The following TACR1 variants were observed in gnomAD, a reference collection of about 807,000 sequenced individuals.
The protein encoded by TACR1 is substance-P receptor.
In TACR1, 25 loss-of-function variants were observed where a neutral mutation model predicts 35.8. That is an observed-to-expected ratio of 0.70 (90% CI 0.51 to 0.98). TACR1 has a LOEUF of 0.98. Ranked by LOEUF, TACR1 falls within the 50% of genes least tolerant of loss-of-function variation. The probability of loss-of-function intolerance (pLI) is 0.00; values close to 1 mark genes in which losing one functional copy is unlikely to be tolerated. For missense variants in TACR1, 478 were observed against 522.9 expected, an observed-to-expected ratio of 0.91 and a Z score of 0.84; for synonymous variants, 195 against 206.7, an observed-to-expected ratio of 0.94 and a Z score of 0.48.
At chr2:75,108,077 TAG>T (rs1272624804) in intron 2 of TACR1, among the ~76,000 whole-genome samples, 1 of 152,114 alleles carries the variant, frequency 6.6e-6, no homozygotes, top group East Asian at 1.9e-4. Flanking sequence ...AAATGTATTA[TAG>T]AGTTTCTTTC....
intron 2 of TACR1, among the ~76,000 whole-genome samples, chr2:75,092,003 C>T (rs1033857736): frequency 6.6e-6 from 1 of 152,218 alleles, no homozygotes; most frequent in Non-Finnish European, 1.5e-5. Flanking sequence ...GTGAGGAGAA[C>T]TTTATATGAG....
chr2:75,111,925 C>CA (rs777191131), intron 2 of TACR1, among the ~76,000 whole-genome samples: 5 of 151,686 alleles, frequency 3.3e-5, no homozygotes, highest in Non-Finnish European at 7.4e-5. Context: ...CTAAACCACA[C>CA]AAATATGTAT....
At chr2:75,181,254 A>G (rs1422397177) in intron 1 of TACR1, among the ~76,000 whole-genome samples, 7 of 152,148 alleles carry the variant, frequency 4.6e-5, no homozygotes, top group Non-Finnish European at 8.8e-5. Context: ...TTAGCCTCAA[A>G]AACAAATATG....
At chr2:75,159,253 G>T (rs911705456) in intron 1 of TACR1, among the ~76,000 whole-genome samples, 5 of 152,034 alleles carry the variant, frequency 3.3e-5, no homozygotes, top group Non-Finnish European at 7.4e-5. Flanking sequence ...CAAGCCAACC[G>T]AAACACAAAC....
intron 1 of TACR1, among the ~76,000 whole-genome samples, chr2:75,184,596 A>G (rs1427092535): frequency 6.6e-6 from 1 of 151,842 alleles, no homozygotes; most frequent in African/African-American, 2.4e-5. Context: ...CTGGTTTCAA[A>G]ATAACTATTA....
Position 75,076,691 on chromosome 2 carries a change from G to A in TACR1, c.585-22936C>T, listed in dbSNP as rs545324572. Among the ~76,000 whole-genome samples, 4 of 152,238 alleles carry A rather than the reference G, an allele frequency of 2.6e-5. No homozygotes were observed. In the East Asian group the frequency reaches 7.8e-4, roughly 30 times the overall value. On this transcript the variant is annotated intron_variant, in intron 2 of 4. Transcript: ENST00000305249. ...CGAGACCAGGAGTCAGGAGCCTGGT[G>A]CTGGTTTTCTGGACCTGACAATCAC...
At chr2:75,064,678 T>C (rs958550238) in intron 2 of TACR1, among the ~76,000 whole-genome samples, 10 of 152,260 alleles carry the variant, frequency 6.6e-5, no homozygotes, top group African/African-American at 9.6e-5. Flanking sequence ...CAATGCATTG[T>C]AAAGAACAGT....
At chr2:75,100,792 C>A (rs1439811789) in intron 2 of TACR1, among the ~76,000 whole-genome samples, 2 of 152,030 alleles carry the variant, frequency 1.3e-5, no homozygotes, top group African/African-American at 2.4e-5. Context: ...GAGAATAAGT[C>A]AAAAAATAAT....
At chr2:75,081,611 GA>G (rs1253764873) in intron 2 of TACR1, among the ~76,000 whole-genome samples, 1 of 152,168 alleles carries the variant, frequency 6.6e-6, no homozygotes, top group Non-Finnish European at 1.5e-5. Context: ...GGGAGGGGTG[GA>G]AAAGAAAGTG....
chr2:75,116,028 T>C (rs1673850231), intron 2 of TACR1, among the ~76,000 whole-genome samples: 1 of 152,132 alleles, frequency 6.6e-6, no homozygotes, highest in South Asian at 2.1e-4. Context: ...TATTTTGTGT[T>C]ATAAAGAGGG....
At chr2:75,181,907 G>A (rs1675567909) in intron 1 of TACR1, among the ~76,000 whole-genome samples, 2 of 152,118 alleles carry the variant, frequency 1.3e-5, no homozygotes, top group East Asian at 3.9e-4. Context: ...ACTATATTTG[G>A]TTACAAATAA....
chr2:75,070,532 C>T (rs1294301988), intron 2 of TACR1, among the ~76,000 whole-genome samples: 1 of 152,164 alleles, frequency 6.6e-6, no homozygotes, highest in East Asian at 1.9e-4. Context: ...AAGGAAATGG[C>T]CTCCAAAGGT....
At position 75,154,450 on chromosome 2, in the gene TACR1, A is replaced by ACTCT. The variant is rs1228385476; in HGVS notation, c.390-33686_390-33683dup. 413 of 89,196 alleles carry ACTCT rather than the reference A, an allele frequency of 4.6e-3. 35 individuals are homozygous for ACTCT. The highest frequency in any genetic ancestry group is 0.012 in the East Asian group (39 of 3,234). The allele number at this position is 89,196 out of a possible 1,614,324, so 5.5% of individuals were successfully genotyped here. A position where few individuals can be genotyped will look rare whatever the true frequency, so the allele number is the denominator to read the frequency against. On this transcript the variant is annotated intron_variant, in intron 1 of 4. Transcript: ENST00000305249. Reference sequence around the variant, plus strand: ...CACACACACACACACACACACACACACTCTGAAGAAACCCAGTGGAGATTC... The same window carrying ACTCT: ...CACACACACACACACACACACACACACTCTCTCTGAAGAAACCCAGTGGAGATTC...
chr2:75,177,358 A>T (rs1292128672), intron 1 of TACR1, among the ~76,000 whole-genome samples: 2 of 151,996 alleles, frequency 1.3e-5, no homozygotes, highest in Non-Finnish European at 2.9e-5. Flanking sequence ...CAACTCCCTG[A>T]CTCAGTTTCT....
chr2:75,166,690 A>G (rs532604243), intron 1 of TACR1, among the ~76,000 whole-genome samples: 2 of 152,328 alleles, frequency 1.3e-5, no homozygotes, highest in South Asian at 4.1e-4. Context: ...AGTGGGCTAG[A>G]GATTGTGGGC....
At chr2:75,062,028 C>T (rs551163928) in intron 2 of TACR1, among the ~76,000 whole-genome samples, 1 of 152,244 alleles carries the variant, frequency 6.6e-6, no homozygotes, top group East Asian at 1.9e-4. Flanking sequence ...AAAATCAGCA[C>T]CAAGGAAATA....
At chr2:75,139,191 TAG>T (rs750864557) in intron 1 of TACR1, among the ~76,000 whole-genome samples, 1 of 152,226 alleles carries the variant, frequency 6.6e-6, no homozygotes, top group Admixed American at 6.5e-5. Context: ...AGGTATCATG[TAG>T]ACTCTTCATA....
At chr2:75,121,789 A>G (rs1170459340) in intron 1 of TACR1, among the ~76,000 whole-genome samples, 3 of 152,252 alleles carry the variant, frequency 2.0e-5, no homozygotes, top group South Asian at 4.1e-4. Context: ...TTTAAATATT[A>G]TCTGACAAAA....
At chr2:75,113,385 G>A (rs1673788527) in intron 2 of TACR1, among the ~76,000 whole-genome samples, 1 of 152,142 alleles carries the variant, frequency 6.6e-6, no homozygotes, top group South Asian at 2.1e-4. Context: ...CTATTGGTAT[G>A]TAGAGGCCAT....
Sources: allele counts gnomAD v4.1 joint callset (sites outside exome capture counted in the v4.1 genomes callset), GRCh38; gene constraint gnomAD v4.1.1; transcripts MANE v1.5; gene names NCBI Gene and HGNC (gene_info 2026-07-23, HGNC 2026-07-21).